Variants in SGCD observed in about 807,000 individuals in gnomAD.
The protein encoded by SGCD is delta-sarcoglycan.
SGCD carries 18 observed loss-of-function variants against 36.6 expected under a neutral mutation model. The ratio of observed to expected loss-of-function variants is 0.49; its 90% CI spans 0.34 to 0.73. The LOEUF (loss-of-function observed/expected upper bound fraction) is 0.73. Ranked by LOEUF, SGCD falls within the 30% of genes least tolerant of loss-of-function variation. SGCD has a pLI of 0.01. For synonymous variants in SGCD, 133 were observed against 130.6 expected (o/e 1.02, Z -0.12); for missense variants, 387 against 346.7 (o/e 1.12, Z -0.92).
At chr5:156,050,583 T>C (rs1277861850) in intron 1 of SGCD, among the ~76,000 whole-genome samples, 1 of 146,536 alleles carries the variant, frequency 6.8e-6, no homozygotes, top group Middle Eastern at 3.4e-3. Flanking sequence ...TATAGCTCTC[T>C]TTAACCATAA....
chr5:156,475,349 C>G (rs1274577497), intron 3 of SGCD, among the ~76,000 whole-genome samples: 1 of 152,178 alleles, frequency 6.6e-6, no homozygotes, highest in Non-Finnish European at 1.5e-5. Context: ...TGTCCCTGCT[C>G]TGTCATAGTG....
chr5:156,658,666 TC>T (rs1763785731), intron 7 of SGCD, among the ~76,000 whole-genome samples: 1 of 74,660 alleles, frequency 1.3e-5, no homozygotes, highest in Non-Finnish European at 2.4e-5. Context: ...CTCTTGCTTT[TC>T]CCCACATTTC....
At position 156,082,771 on chromosome 5, in the gene SGCD, G is replaced by A. The variant is rs148611939; in HGVS notation, c.-281-35107G>A. 1.4e-4 allele frequency among the ~76,000 whole-genome samples: 22 copies of A among 152,212 alleles called. No individual in the cohort carries two copies. The East Asian group carries it at 4.0e-3, about 28-fold the overall frequency. ...TCAGGATCGCATAAATTGGATAAACGTCCAGGAGCACAGTTGCTGGGTCAT... is the reference window on the plus strand; with the variant it reads ...TCAGGATCGCATAAATTGGATAAACATCCAGGAGCACAGTTGCTGGGTCAT... On this transcript the variant is annotated intron_variant, in intron 1 of 9. Transcript: ENST00000517913.
chr5:155,887,430 G>A (rs543278264), intron 1 of SGCD, among the ~76,000 whole-genome samples: 1 of 152,052 alleles, frequency 6.6e-6, no homozygotes, highest in Non-Finnish European at 1.5e-5. Flanking sequence ...AACTAACTAC[G>A]CAAACTTCTC....
At chr5:156,055,736 T>C (rs1374507900) in intron 1 of SGCD, among the ~76,000 whole-genome samples, 2 of 146,454 alleles carry the variant, frequency 1.4e-5, no homozygotes, top group East Asian at 3.9e-4. Flanking sequence ...TCAGTAAATA[T>C]TTGTAGGACT....
At chr5:156,619,138 G>A (rs894157195) in intron 6 of SGCD, among the ~76,000 whole-genome samples, 6 of 151,586 alleles carry the variant, frequency 4.0e-5, no homozygotes, top group Non-Finnish European at 7.4e-5. Flanking sequence ...CCATTCGCCT[G>A]CCTCAGCCTC....
At chr5:156,710,655 A>G (rs1458306471) in intron 7 of SGCD, among the ~76,000 whole-genome samples, 1 of 152,220 alleles carries the variant, frequency 6.6e-6, no homozygotes, top group Non-Finnish European at 1.5e-5. Flanking sequence ...TCTGATTGGC[A>G]GTTGGTTAAA....
the SGCD span, among the ~76,000 whole-genome samples, chr5:155,798,843 C>G: frequency 2.0e-4 from 30 of 152,290 alleles, 1 homozygote; most frequent in Admixed American, 1.6e-3. Flanking sequence ...ACTGTTTCCC[C>G]ATGGCTTCTA....
chr5:156,609,994 C>T (rs532882429), intron 6 of SGCD, among the ~76,000 whole-genome samples: 259 of 152,296 alleles, frequency 1.7e-3, no homozygotes, highest in African/African-American at 5.6e-3. Flanking sequence ...GTTCCAACTT[C>T]CTGCTTTAGC....
chr5:156,275,195 A>G (rs10066281), intron 3 of SGCD, among the ~76,000 whole-genome samples: 2 of 151,940 alleles, frequency 1.3e-5, no homozygotes, highest in Non-Finnish European at 2.9e-5. Flanking sequence ...AGGACAGATC[A>G]CTATCCACAG....
At chr5:156,492,131 G>A (rs971131235) in intron 3 of SGCD, among the ~76,000 whole-genome samples, 2 of 152,134 alleles carry the variant, frequency 1.3e-5, no homozygotes, top group African/African-American at 4.8e-5. Flanking sequence ...TGTGTAACAT[G>A]TATGAATCCT....
chr5:156,652,436 C>G (rs1334106028), intron 7 of SGCD, among the ~76,000 whole-genome samples: 2 of 152,110 alleles, frequency 1.3e-5, no homozygotes, highest in Non-Finnish European at 2.9e-5. Flanking sequence ...TTGCAGTTAG[C>G]TGTGATCACA....
intron 3 of SGCD, among the ~76,000 whole-genome samples, chr5:156,125,330 G>A (rs989017423): frequency 3.9e-5 from 6 of 152,110 alleles, no homozygotes; most frequent in Admixed American, 3.9e-4. Context: ...TATCACATTA[G>A]TTACAGTCAC....
At chr5:156,180,040 C>T (rs1763565220) in intron 3 of SGCD, among the ~76,000 whole-genome samples, 1 of 152,194 alleles carries the variant, frequency 6.6e-6, no homozygotes, top group East Asian at 1.9e-4. Context: ...TTACTTGGAA[C>T]TGAAGTCAGA....
At chr5:156,097,795 G>A (rs1360938064) in intron 1 of SGCD, among the ~76,000 whole-genome samples, 1 of 152,092 alleles carries the variant, frequency 6.6e-6, no homozygotes, top group East Asian at 1.9e-4. Context: ...TTGTATTCTG[G>A]ACATTTTATC....
At chr5:155,912,464 T>C (rs757112485) in intron 1 of SGCD, among the ~76,000 whole-genome samples, 4 of 152,170 alleles carry the variant, frequency 2.6e-5, no homozygotes. Context: ...CACCTTGGGT[T>C]CTGTCCAAAT....
At chr5:156,013,603 G>A (rs1170432347) in intron 1 of SGCD, among the ~76,000 whole-genome samples, 1 of 152,058 alleles carries the variant, frequency 6.6e-6, no homozygotes, top group Non-Finnish European at 1.5e-5. Context: ...TGTAGTGTTT[G>A]AACATGTCTT....
chr5:156,541,069 C>A (rs1758330778), intron 4 of SGCD, among the ~76,000 whole-genome samples: 2 of 152,034 alleles, frequency 1.3e-5, no homozygotes. Context: ...CTAGCCATGG[C>A]AAGAGTAATG....
At chr5:156,321,255 T>A (rs1767656357) in intron 3 of SGCD, among the ~76,000 whole-genome samples, 1 of 151,796 alleles carries the variant, frequency 6.6e-6, no homozygotes, top group African/African-American at 2.4e-5. Context: ...CCATCTCTAC[T>A]AAAAATACAA....
Sources: gnomAD v4.1 joint callset for allele counts (sites outside exome capture counted in the v4.1 genomes callset) on GRCh38, gnomAD v4.1.1 for gene constraint, MANE v1.5 for transcripts, NCBI Gene and HGNC (gene_info 2026-07-23, HGNC 2026-07-21) for gene names.